CRADD: variants seen among roughly 807,000 people sequenced by gnomAD.
The protein encoded by CRADD is CARD and death domain containing adaptor protein.
In CRADD, 9 loss-of-function variants were observed where a neutral mutation model predicts 15.5. The observed-to-expected ratio is 0.58, with a 90% CI of 0.35 to 1.01. The LOEUF (loss-of-function observed/expected upper bound fraction) is 1.01, where lower values mean the gene tolerates loss of function less well. Among genes scored for constraint, CRADD ranks in the 50% least tolerant of loss-of-function variants. The pLI is 0.02. For missense variants in CRADD, 227 were observed against 250.3 expected (o/e 0.91, Z 0.63); for synonymous variants, 118 against 107.6 (o/e 1.10, Z -0.60).
chr12:93,882,747 T>C (rs947662802), intron 2 of CRADD, among the ~76,000 whole-genome samples: 2 of 152,218 alleles, frequency 1.3e-5, no homozygotes, highest in African/African-American at 4.8e-5. Flanking sequence ...CAGCGTTGTC[T>C]TCAAGGGAAG....
At chr12:93,793,288 A>G (rs1204174540) in intron 2 of CRADD, among the ~76,000 whole-genome samples, 3 of 152,198 alleles carry the variant, frequency 2.0e-5, no homozygotes, top group Non-Finnish European at 4.4e-5. Context: ...GTAATCCTAA[A>G]TAACTTACTT....
chr12:93,817,133 A>C (rs761353427), intron 2 of CRADD, among the ~76,000 whole-genome samples: 1 of 152,192 alleles, frequency 6.6e-6, no homozygotes, highest in Non-Finnish European at 1.5e-5. Context: ...GTATTAGACC[A>C]GATGATTGTT....
At chr12:93,865,083 C>T (rs1958353500) in intron 2 of CRADD, among the ~76,000 whole-genome samples, 1 of 152,214 alleles carries the variant, frequency 6.6e-6, no homozygotes, top group South Asian at 2.1e-4. Flanking sequence ...AACGTTCCAA[C>T]ACTCACATCC....
chr12:93,747,045 GAA>G (rs1956763763), intron 2 of CRADD, among the ~76,000 whole-genome samples: 2 of 151,948 alleles, frequency 1.3e-5, no homozygotes, highest in African/African-American at 2.4e-5. Context: ...AAAAAAAAAA[GAA>G]TGGTTTTCAC....
chr12:93,681,236 A>AT (rs1052395365), intron 2 of CRADD, among the ~76,000 whole-genome samples: 12 of 152,216 alleles, frequency 7.9e-5, no homozygotes, highest in East Asian at 1.9e-4. Context: ...GAATTAAGGC[A>AT]TTTTTTACAA....
intron 2 of CRADD, among the ~76,000 whole-genome samples, chr12:93,878,214 T>G (rs559977066): frequency 6.6e-6 from 1 of 152,242 alleles, no homozygotes; most frequent in African/African-American, 2.4e-5. Context: ...TCTACGAGTC[T>G]GCAAGAACCA....
intron 2 of CRADD, among the ~76,000 whole-genome samples, chr12:93,680,379 T>TA (rs1430749816): frequency 6.6e-6 from 1 of 152,210 alleles, no homozygotes; most frequent in Non-Finnish European, 1.5e-5. Context: ...AGACCACTTT[T>TA]ACTATTTTTG....
At position 93,732,131 on chromosome 12, in the gene CRADD, C is replaced by T. The variant is rs372407999; in HGVS notation, c.298+53059C>T. ...AGCCTGGGCGACAAGAGTGAAATTC[C>T]GTCTCAAGAAAAAAAAAAAAAAGAA... is the stretch of plus-strand genomic sequence containing the variant. On this transcript the variant is annotated intron_variant, in intron 2 of 2. Coordinates refer to ENST00000332896, the MANE Select transcript of CRADD (RefSeq NM_003805.5). 5.5e-5 allele frequency among the ~76,000 whole-genome samples: 8 copies of T among 146,180 alleles called. No homozygotes were observed. The East Asian group carries it at 8.0e-4, about 15-fold the overall frequency.
intron 2 of CRADD, among the ~76,000 whole-genome samples, chr12:93,703,176 TTATC>T (rs1285214255): frequency 6.6e-6 from 1 of 152,082 alleles, no homozygotes; most frequent in Non-Finnish European, 1.5e-5. Flanking sequence ...AAGTTTCTCT[TTATC>T]TAAGAAAGAA....
In CRADD at chr12:93,883,693, C is replaced by T. The variant is rs138787563; in HGVS notation, c.299-10357C>T. Among the ~76,000 whole-genome samples, 3 of 152,244 alleles carry T rather than the reference C, an allele frequency of 2.0e-5. No homozygotes were observed. In the East Asian group the frequency reaches 5.8e-4, roughly 29 times the overall value. ...CAAAAAAAACACCACATTAGACTGG[C>T]ATGGTGGCACATGCCTGTAGTCCTA... On this transcript the variant is annotated intron_variant, in intron 2 of 2. Transcript: ENST00000548483.
intron 2 of CRADD, among the ~76,000 whole-genome samples, chr12:93,832,724 G>A (rs1005285923): frequency 6.6e-6 from 1 of 152,118 alleles, no homozygotes; most frequent in Admixed American, 6.5e-5. Context: ...TCATCAGTAG[G>A]AAATAATTAC....
chr12:93,788,653 G>A (rs1957310308), intron 2 of CRADD, among the ~76,000 whole-genome samples: 1 of 152,160 alleles, frequency 6.6e-6, no homozygotes, highest in Non-Finnish European at 1.5e-5. Context: ...TAGTTGTCTA[G>A]ATATCCTCCA....
At chr12:93,777,430 A>G (rs759719874) in intron 2 of CRADD, among the ~76,000 whole-genome samples, 3 of 152,222 alleles carry the variant, frequency 2.0e-5, no homozygotes, top group Non-Finnish European at 2.9e-5. Context: ...TTGCTGACCT[A>G]GAAATGCCTG....
chr12:93,684,212 T>G (rs1397575036), intron 2 of CRADD, among the ~76,000 whole-genome samples: 1 of 152,140 alleles, frequency 6.6e-6, no homozygotes, highest in Admixed American at 6.5e-5. Context: ...AAACCAGAGG[T>G]CCCCAGCCTT....
intron 2 of CRADD, among the ~76,000 whole-genome samples, chr12:93,830,062 A>G (rs1957875231): frequency 6.6e-6 from 1 of 152,152 alleles, no homozygotes; most frequent in Non-Finnish European, 1.5e-5. Flanking sequence ...GAAATTGACC[A>G]GTGGTGGGGA....
At position 93,810,539 on chromosome 12, in the gene CRADD, G is replaced by A. The variant is rs373328931; in HGVS notation, c.299-39431G>A. Among the ~76,000 whole-genome samples, 422 of 82,716 alleles carry A rather than the reference G, an allele frequency of 5.1e-3. 4 individuals carry two copies. The highest frequency in any genetic ancestry group is 7.1e-3 in the Non-Finnish European group (330 of 46,436). 54.3% of individuals were successfully genotyped at this position (82,716 alleles called of 152,430 possible). ...GCACTCCAGCCTGGGCAACAAGAGC[G>A]CAAATCAGTCTCAAAAAAAAAAAAA... On this transcript the variant is annotated intron_variant, in intron 2 of 2. Transcript: ENST00000332896.
intron 2 of CRADD, among the ~76,000 whole-genome samples, chr12:93,699,734 T>C (rs1161777307): frequency 2.6e-5 from 4 of 152,200 alleles, no homozygotes; most frequent in Non-Finnish European, 5.9e-5. Context: ...TGTTTAGAAG[T>C]GTAGCCTGTA....
At chr12:93,681,136 G>A (rs570530928) in intron 2 of CRADD, among the ~76,000 whole-genome samples, 49 of 151,742 alleles carry the variant, frequency 3.2e-4, no homozygotes, top group African/African-American at 1.0e-3. Flanking sequence ...CGCCCACCTC[G>A]GCCTCCCAAA....
At chr12:93,714,204 A>G (rs1027976263) in intron 2 of CRADD, among the ~76,000 whole-genome samples, 5 of 152,250 alleles carry the variant, frequency 3.3e-5, no homozygotes, top group African/African-American at 4.8e-5. Context: ...AAGAGGCTAA[A>G]TAGCTGCTTA....
Sources: gnomAD v4.1 joint callset for allele counts (sites outside exome capture counted in the v4.1 genomes callset) on GRCh38, gnomAD v4.1.1 for gene constraint, MANE v1.5 for transcripts, NCBI Gene and HGNC (gene_info 2026-07-23, HGNC 2026-07-21) for gene names.